Variants in IMMP2L observed in about 807,000 individuals in gnomAD.
IMMP2L encodes mitochondrial inner membrane protease subunit 2.
In IMMP2L, 18 loss-of-function variants were observed where a neutral mutation model predicts 19.3. That is an observed-to-expected ratio of 0.93 (90% CI 0.64 to 1.38). IMMP2L has a LOEUF of 1.38. Ranked by LOEUF, IMMP2L falls within the 40% of genes most tolerant of loss-of-function variation. The pLI is 0.00. For missense variants in IMMP2L, 233 were observed against 218.2 expected (o/e 1.07, Z -0.43); for synonymous variants, 76 against 73.0 (o/e 1.04, Z -0.21).
chr7:111,226,542 T>C (rs1408273239), intron 3 of IMMP2L, among the ~76,000 whole-genome samples: 1 of 152,090 alleles, frequency 6.6e-6, no homozygotes, highest in Non-Finnish European at 1.5e-5. Flanking sequence ...ATTAAACCTC[T>C]GAGAGCTAGC....
At chr7:110,777,123 G>A (rs1302255511) in intron 5 of IMMP2L, among the ~76,000 whole-genome samples, 1 of 151,978 alleles carries the variant, frequency 6.6e-6, no homozygotes, top group Non-Finnish European at 1.5e-5. Flanking sequence ...TCCTGAGAAT[G>A]TCTCAAATCC....
At chr7:111,474,957 T>C (rs1041758401) in intron 3 of IMMP2L, among the ~76,000 whole-genome samples, 8 of 152,126 alleles carry the variant, frequency 5.3e-5, no homozygotes, top group African/African-American at 1.9e-4. Context: ...CATAATACTA[T>C]ACGGTAACTT....
At chr7:111,042,163 A>G (rs1258218840) in intron 3 of IMMP2L, among the ~76,000 whole-genome samples, 2 of 152,110 alleles carry the variant, frequency 1.3e-5, no homozygotes, top group Admixed American at 6.6e-5. Context: ...TAATATGGCC[A>G]TCATAGATAC....
At chr7:111,041,107 G>A (rs150964385) in intron 3 of IMMP2L, among the ~76,000 whole-genome samples, 153 of 152,116 alleles carry the variant, frequency 1.0e-3, no homozygotes, top group African/African-American at 3.6e-3. Flanking sequence ...CCTGCTTAGG[G>A]ATTAGTGGCT....
At chr7:110,902,768 C>CA (rs538750208) in intron 4 of IMMP2L, among the ~76,000 whole-genome samples, 1,552 of 71,194 alleles carry the variant, frequency 0.022, 382 homozygotes, top group African/African-American at 0.087. Flanking sequence ...ACTAAAAATA[C>CA]AAAAAAAAAA....
intron 4 of IMMP2L, chr7:110,962,806 G>A (rs988627295): frequency 1.3e-5 from 16 of 1,192,978 alleles, no homozygotes; most frequent in African/African-American, 1.6e-5. Flanking sequence ...AACAGGGTCA[G>A]AAAACTTCCT....
chr7:110,850,700 T>C (rs1806123314), intron 5 of IMMP2L, among the ~76,000 whole-genome samples: 1 of 150,604 alleles, frequency 6.6e-6, no homozygotes, highest in African/African-American at 2.4e-5. Context: ...AAAATCAAAA[T>C]TCTTAGTAAA....
chr7:110,717,343 T>C (rs561125076), intron 5 of IMMP2L, among the ~76,000 whole-genome samples: 2 of 152,324 alleles, frequency 1.3e-5, no homozygotes, highest in South Asian at 2.1e-4. Context: ...CGGGTGTCTG[T>C]AGTCCCAGCT....
At chr7:111,488,549 C>T (rs1842835086) in intron 2 of IMMP2L, among the ~76,000 whole-genome samples, 1 of 152,142 alleles carries the variant, frequency 6.6e-6, no homozygotes, top group South Asian at 2.1e-4. Context: ...TATATATACA[C>T]ACCACATTTT....
At chr7:111,098,388 A>C (rs533283973) in intron 3 of IMMP2L, among the ~76,000 whole-genome samples, 27 of 151,966 alleles carry the variant, frequency 1.8e-4, no homozygotes, top group African/African-American at 6.0e-4. Context: ...GAGGAAGCAA[A>C]ATTTATGTAA....
At chr7:111,531,778 C>T (rs1264569945) in intron 1 of IMMP2L, among the ~76,000 whole-genome samples, 6 of 152,072 alleles carry the variant, frequency 3.9e-5, no homozygotes, top group African/African-American at 1.4e-4. Context: ...ATGAAACAGA[C>T]CAGCTACTTA....
chr7:111,344,414 T>G (rs1366419580), intron 3 of IMMP2L, among the ~76,000 whole-genome samples: 1 of 152,178 alleles, frequency 6.6e-6, no homozygotes, highest in Non-Finnish European at 1.5e-5. Flanking sequence ...AAATAGACTT[T>G]CCTTGGACAC....
intron 5 of IMMP2L, among the ~76,000 whole-genome samples, chr7:110,786,442 A>C (rs942091997): frequency 1.3e-5 from 2 of 151,974 alleles, no homozygotes; most frequent in Admixed American, 6.6e-5. Context: ...CTTGGGCTAC[A>C]GTTTTGTGAA....
intron 2 of IMMP2L, among the ~76,000 whole-genome samples, chr7:111,502,986 G>A (rs1563280055): frequency 6.6e-6 from 1 of 151,014 alleles, no homozygotes; most frequent in Admixed American, 6.6e-5. Flanking sequence ...AGAACTGAAG[G>A]AAATAGAGAC....
chr7:111,268,744 C>T (rs537373444), intron 3 of IMMP2L, among the ~76,000 whole-genome samples: 5 of 151,476 alleles, frequency 3.3e-5, no homozygotes, highest in African/African-American at 1.2e-4. Context: ...CAGGCGAGCA[C>T]CACCATGCCT....
At chr7:111,064,652 A>T (rs1794327003) in intron 3 of IMMP2L, among the ~76,000 whole-genome samples, 2 of 152,036 alleles carry the variant, frequency 1.3e-5, no homozygotes, top group African/African-American at 4.8e-5. Flanking sequence ...TTAAATCCAG[A>T]GGGGGAAATG....
At chr7:111,331,655 C>T (rs1825889723) in intron 3 of IMMP2L, among the ~76,000 whole-genome samples, 2 of 151,732 alleles carry the variant, frequency 1.3e-5, no homozygotes, top group African/African-American at 4.8e-5. Flanking sequence ...ATGGATCATA[C>T]ATCACTTTAT....
chr7:111,197,237 C>T (rs1174774994), intron 3 of IMMP2L, among the ~76,000 whole-genome samples: 6 of 152,052 alleles, frequency 3.9e-5, no homozygotes, highest in South Asian at 4.2e-4. Context: ...CCAAGGTGGG[C>T]GGATCACGAG....
At chr7:110,782,929 T>A (rs1205056161) in intron 5 of IMMP2L, among the ~76,000 whole-genome samples, 2 of 151,802 alleles carry the variant, frequency 1.3e-5, no homozygotes, top group Admixed American at 1.3e-4. Flanking sequence ...AATGCCACAA[T>A]CCTGAAGCCC....
Sources: allele counts gnomAD v4.1 joint callset (sites outside exome capture counted in the v4.1 genomes callset), GRCh38; gene constraint gnomAD v4.1.1; transcripts MANE v1.5; gene names NCBI Gene and HGNC (gene_info 2026-07-23, HGNC 2026-07-21).